EYA3: variants seen among roughly 807,000 people sequenced by gnomAD.
EYA3 encodes protein phosphatase EYA3.
Under a neutral mutation model 80.0 loss-of-function variants are expected in EYA3, and 39 were observed. That is an observed-to-expected ratio of 0.49 (90% CI 0.38 to 0.64). The LOEUF (loss-of-function observed/expected upper bound fraction) is 0.64, where lower values mean the gene tolerates loss of function less well. Among genes scored for constraint, EYA3 ranks in the 30% least tolerant of loss-of-function variants. The probability of loss-of-function intolerance (pLI) is 0.00; values close to 1 mark genes in which losing one functional copy is unlikely to be tolerated. For synonymous variants in EYA3, 206 were observed against 232.8 expected (o/e 0.88, Z 1.05); for missense variants, 523 against 676.1 (o/e 0.77, Z 2.51).
intron 10 of EYA3, among the ~76,000 whole-genome samples, chr1:28,008,859 G>A (rs1333155203): frequency 6.6e-6 from 1 of 152,154 alleles, no homozygotes; most frequent in Non-Finnish European, 1.5e-5. Context: ...CACAAGAATT[G>A]CTTGAACCTG....
At chr1:27,985,537 C>G (rs1639593083) in intron 16 of EYA3, among the ~76,000 whole-genome samples, 1 of 152,132 alleles carries the variant, frequency 6.6e-6, no homozygotes, top group Non-Finnish European at 1.5e-5. Context: ...ATTAGAGGAC[C>G]CCAGGGCGTA....
chr1:27,989,208 G>A (rs546668181), intron 15 of EYA3, among the ~76,000 whole-genome samples: 1 of 152,204 alleles, frequency 6.6e-6, no homozygotes, highest in African/African-American at 2.4e-5. Context: ...TTGCGGGAGG[G>A]AGTAATAGGG....
intron 1 of EYA3, among the ~76,000 whole-genome samples, chr1:28,079,762 G>T (rs1236354985): frequency 6.6e-6 from 1 of 151,658 alleles, no homozygotes; most frequent in Non-Finnish European, 1.5e-5. Flanking sequence ...CACGTACATT[G>T]CAGAGAAAAA....
chr1:28,002,669 G>A (rs967022358), intron 11 of EYA3, among the ~76,000 whole-genome samples: 3 of 151,930 alleles, frequency 2.0e-5, no homozygotes, highest in Admixed American at 2.0e-4. Context: ...AAAATTAGCC[G>A]GGTATGGTGG....
chr1:28,029,940 T>C lies in EYA3; in HGVS notation c.362-2014A>G, dbSNP rs554642929. On this transcript the variant is annotated intron_variant, in intron 6 of 17. Transcript: ENST00000373871. ...TTGTTCACTGTGTTCTGAATAGCTA[T>C]GGTTACTGGGTTAGTGTAGTTGAAG... Among the ~76,000 whole-genome samples, 5 of 152,216 alleles carry C rather than the reference T, an allele frequency of 3.3e-5. No homozygotes were observed. The East Asian group carries it at 7.7e-4, about 23-fold the overall frequency.
At chr1:28,007,102 G>C (rs577557040) in intron 10 of EYA3, among the ~76,000 whole-genome samples, 1 of 151,522 alleles carries the variant, frequency 6.6e-6, no homozygotes, top group African/African-American at 2.4e-5. Flanking sequence ...CACCAGGTCC[G>C]GCTAATTTTT....
chr1:28,020,681 T>C (rs1642376657), intron 7 of EYA3, among the ~76,000 whole-genome samples: 1 of 101,520 alleles, frequency 9.9e-6, no homozygotes, highest in African/African-American at 2.7e-5. Context: ...TGTGTGTGTG[T>C]GTGTGTGTGT....
At chr1:28,072,425 C>T (rs1174443290) in intron 1 of EYA3, among the ~76,000 whole-genome samples, 2 of 151,728 alleles carry the variant, frequency 1.3e-5, no homozygotes, top group South Asian at 2.1e-4. Flanking sequence ...TAGATCCTTT[C>T]GTTTAGGCTA....
intron 1 of EYA3, among the ~76,000 whole-genome samples, chr1:28,087,598 A>G (rs1645705197): frequency 6.6e-6 from 1 of 152,234 alleles, no homozygotes; most frequent in Non-Finnish European, 1.5e-5. Flanking sequence ...TCTCTCCACA[A>G]ATTCTGTCCT....
intron 16 of EYA3, among the ~76,000 whole-genome samples, chr1:27,981,325 A>G (rs1054578844): frequency 5.3e-5 from 8 of 152,074 alleles, no homozygotes; most frequent in Non-Finnish European, 1.0e-4. Flanking sequence ...AAATAAGCAC[A>G]CTTACTGACA....
At chr1:28,020,207 C>T (rs1642338159) in intron 7 of EYA3, among the ~76,000 whole-genome samples, 1 of 152,124 alleles carries the variant, frequency 6.6e-6, no homozygotes, top group South Asian at 2.1e-4. Flanking sequence ...AGTTTAATGG[C>T]TTGATTAGCT....
At position 28,071,981 on chromosome 1, in the gene EYA3, G is replaced by A. The variant is rs372856087; in HGVS notation, c.-68-13887C>T. 2.0e-4 allele frequency among the ~76,000 whole-genome samples: 31 copies of A among 152,064 alleles called. No individual in the cohort carries two copies. In the South Asian group the frequency reaches 6.2e-3, roughly 31 times the overall value. ...TCTTAATTGAAACAATTTTCCCAGG[G>A]GCCCTCTGTACTAGTCTCTGCTTAG... On this transcript the variant is annotated intron_variant, in intron 1 of 17. Coordinates refer to ENST00000373871, the MANE Select transcript of EYA3 (RefSeq NM_001990.4).
chr1:27,995,963 C>A (rs980609118), intron 13 of EYA3, among the ~76,000 whole-genome samples: 2 of 152,070 alleles, frequency 1.3e-5, no homozygotes, highest in South Asian at 2.1e-4. Context: ...ACTTCTGCCT[C>A]CCGGTTTCAA....
intron 11 of EYA3, among the ~76,000 whole-genome samples, chr1:28,003,327 G>A (rs1641028763): frequency 6.6e-6 from 1 of 151,602 alleles, no homozygotes; most frequent in African/African-American, 2.4e-5. Context: ...AAATTAGCCA[G>A]GCATGGTAAC....
At chr1:28,051,741 C>G (rs1401441142) in intron 2 of EYA3, among the ~76,000 whole-genome samples, 1 of 151,860 alleles carries the variant, frequency 6.6e-6, no homozygotes, top group Non-Finnish European at 1.5e-5. Context: ...AGAAGAAGTA[C>G]AATACACGTT....
In EYA3 at chr1:28,009,077, G is replaced by A. The variant is rs984254178; in HGVS notation, c.909+1870C>T. 2.6e-5 allele frequency among the ~76,000 whole-genome samples: 4 copies of A among 152,178 alleles called. No individual in the cohort carries two copies. The highest frequency in any genetic ancestry group is 9.7e-5 in the African/African-American group (4 of 41,446). ...AACCGTGCAGCCACAATGAAAAATA[G>A]TTTGGTGGTTTCTCAAAAAGTGGAG... On this transcript the variant is annotated intron_variant, in intron 10 of 17. Transcript: ENST00000373871. This position sits in a 1 kb window ranked among gnomAD's most constrained non-coding sequence, Gnocchi z 4.8.
chr1:28,057,457 T>C (rs1644474806), intron 2 of EYA3, among the ~76,000 whole-genome samples: 1 of 152,080 alleles, frequency 6.6e-6, no homozygotes. Context: ...GTTTTTTAAA[T>C]ATTAAGGGCC....
intron 1 of EYA3, among the ~76,000 whole-genome samples, chr1:28,080,389 C>T (rs563764067): frequency 2.4e-4 from 36 of 152,090 alleles, no homozygotes; most frequent in Admixed American, 2.1e-3. Context: ...CCCAGGAGGT[C>T]GAGGCTGCAG....
chr1:27,974,737 A>G (rs762016276), intron 17 of EYA3, among the ~76,000 whole-genome samples, 191 bp from the exon 18 acceptor site: 5 of 152,202 alleles, frequency 3.3e-5, no homozygotes, highest in African/African-American at 7.2e-5. Context: ...ACACTTTAGA[A>G]ATGTGAGAAA....
Sources: gnomAD v4.1 joint callset for allele counts (sites outside exome capture counted in the v4.1 genomes callset) on GRCh38, gnomAD v4.1.1 for gene constraint, Gnocchi (gnomAD v3.1) non-coding constraint, MANE v1.5 for transcripts, NCBI Gene and HGNC (gene_info 2026-07-23, HGNC 2026-07-21) for gene names.